Variants in FHIT observed in about 807,000 individuals in gnomAD.
FHIT encodes the protein bis(5'-adenosyl)-triphosphatase.
A neutral mutation model predicts 17.9 loss-of-function variants in FHIT; 19 were observed. That is an observed-to-expected ratio of 1.06 (90% CI 0.74 to 1.56). The LOEUF is 1.56. Among genes scored for constraint, FHIT ranks in the 40% most tolerant of loss-of-function variants. FHIT has a pLI of 0.00. For missense variants in FHIT, 248 were observed against 189.2 expected, an observed-to-expected ratio of 1.31 and a Z score of -1.82; for synonymous variants, 81 against 69.7, an observed-to-expected ratio of 1.16 and a Z score of -0.81.
intron 5 of FHIT, among the ~76,000 whole-genome samples, chr3:60,108,826 G>C (rs78312640): frequency 0.19 from 29,406 of 151,926 alleles, 2,919 homozygotes; most frequent in Middle Eastern, 0.32. Flanking sequence ...ACCAAGCCCA[G>C]CTAATTTTAC....
intron 7 of FHIT, among the ~76,000 whole-genome samples, chr3:59,990,443 A>C (rs1709175578): frequency 6.6e-6 from 1 of 152,174 alleles, no homozygotes; most frequent in African/African-American, 2.4e-5. Context: ...GAGAAAGTAT[A>C]TTGTTCTAAA....
At chr3:60,307,274 G>A (rs9813516) in intron 5 of FHIT, among the ~76,000 whole-genome samples, 65,837 of 151,692 alleles carry the variant, frequency 0.43, 15,374 homozygotes, top group East Asian at 0.82. Context: ...CAGTAAATTC[G>A]CCTGCCACAC....
At position 60,980,916 on chromosome 3, in the gene FHIT, C is replaced by A. The variant is rs1187613698; in HGVS notation, c.-111+61131G>T. ...TGAGGTCACATTAACACCTCACAGC[C>A]CCCCTATTTTAGCAATTCCCTGCGT... On this transcript the variant is annotated intron_variant, in intron 3 of 9. Transcript: ENST00000492590. Among the ~76,000 whole-genome samples the A allele has an allele frequency of 2.6e-5, 4 of 152,268 alleles. No individual in the cohort carries two copies. In the East Asian group the frequency reaches 5.8e-4, roughly 22 times the overall value.
At chr3:60,526,776 G>C (rs1576815072) in intron 5 of FHIT, among the ~76,000 whole-genome samples, 1 of 152,154 alleles carries the variant, frequency 6.6e-6, no homozygotes, top group African/African-American at 2.4e-5. Flanking sequence ...GACAGTACCT[G>C]TGTCAGCCTG....
chr3:60,185,836 A>G (rs577625902), intron 5 of FHIT, among the ~76,000 whole-genome samples: 18 of 152,244 alleles, frequency 1.2e-4, no homozygotes, highest in Admixed American at 9.8e-4. Context: ...TATTAATGGT[A>G]TTGTCACACA....
At chr3:60,452,508 T>A (rs984504642) in intron 5 of FHIT, among the ~76,000 whole-genome samples, 1 of 152,162 alleles carries the variant, frequency 6.6e-6, no homozygotes, top group Non-Finnish European at 1.5e-5. Flanking sequence ...ATGAGACCAA[T>A]AGAATGTGAC....
At chr3:60,642,003 G>T (rs1192877659) in intron 4 of FHIT, among the ~76,000 whole-genome samples, 3 of 152,024 alleles carry the variant, frequency 2.0e-5, no homozygotes, top group Non-Finnish European at 4.4e-5. Flanking sequence ...GGTAGGGGGT[G>T]GGGAGTGGGA....
intron 4 of FHIT, among the ~76,000 whole-genome samples, chr3:60,722,033 G>A (rs2041819491): frequency 6.6e-6 from 1 of 152,188 alleles, no homozygotes; most frequent in Non-Finnish European, 1.5e-5. Flanking sequence ...GAAAAGAGAA[G>A]GAAGGAAATG....
chr3:60,353,118 T>C (rs1397544450), intron 5 of FHIT, among the ~76,000 whole-genome samples: 1 of 152,166 alleles, frequency 6.6e-6, no homozygotes, highest in African/African-American at 2.4e-5. Context: ...AAGGTGATCT[T>C]AATATTATTT....
chr3:61,034,752 A>G (rs2033162197), intron 3 of FHIT, among the ~76,000 whole-genome samples: 1 of 152,212 alleles, frequency 6.6e-6, no homozygotes, highest in Non-Finnish European at 1.5e-5. Flanking sequence ...ATATGGAATT[A>G]CCATGTACCC....
chr3:59,960,641 T>C (rs1349230784), intron 7 of FHIT, among the ~76,000 whole-genome samples: 1 of 152,192 alleles, frequency 6.6e-6, no homozygotes, highest in Admixed American at 6.5e-5. Flanking sequence ...TGGAAAACAA[T>C]GTTCATGGAA....
intron 5 of FHIT, among the ~76,000 whole-genome samples, chr3:60,381,819 A>G (rs1576572257): frequency 3.1e-5 from 2 of 65,306 alleles, no homozygotes; most frequent in East Asian, 3.6e-3. Context: ...TGGCTCTGTA[A>G]CTCTGTAACT....
intron 5 of FHIT, among the ~76,000 whole-genome samples, chr3:60,274,269 T>C (rs900864147): frequency 4.6e-5 from 7 of 152,162 alleles, no homozygotes; most frequent in Non-Finnish European, 1.0e-4. Flanking sequence ...CTCACTAGAT[T>C]ATAAACTCCT....
At chr3:60,753,681 C>T (rs2108037154) in intron 4 of FHIT, among the ~76,000 whole-genome samples, 1 of 152,246 alleles carries the variant, frequency 6.6e-6, no homozygotes, top group South Asian at 2.1e-4. Flanking sequence ...AAAATAAACT[C>T]TGAAGTACCT....
rs1702027772 is a variant in FHIT at position 60,823,994 on chromosome 3, C to A, written c.-110-1983G>T. On this transcript the variant is annotated intron_variant, in intron 3 of 9. Coordinates refer to ENST00000492590, the MANE Select transcript of FHIT (RefSeq NM_002012.4). Reference sequence around the variant, plus strand: ...TAGCCAGGGGAGAGTGGCAGGAAACCAGGTCAGAGTGATGACAAGGAGCTG... The same window carrying A: ...TAGCCAGGGGAGAGTGGCAGGAAACAAGGTCAGAGTGATGACAAGGAGCTG... 3.9e-5 allele frequency among the ~76,000 whole-genome samples: 6 copies of A among 152,148 alleles called. No individual in the cohort carries two copies. In the South Asian group the frequency reaches 1.2e-3, roughly 31 times the overall value.
intron 7 of FHIT, among the ~76,000 whole-genome samples, chr3:59,930,704 T>C (rs921828817): frequency 1.3e-5 from 2 of 152,182 alleles, no homozygotes; most frequent in South Asian, 4.1e-4. Context: ...CTTTGAAAAC[T>C]ACTAGGATTA....
chr3:60,215,287 C>A (rs140717516), intron 5 of FHIT, among the ~76,000 whole-genome samples: 1 of 152,074 alleles, frequency 6.6e-6, no homozygotes, highest in East Asian at 1.9e-4. Context: ...GTCAGGACTT[C>A]GAGACCAGCC....
chr3:60,026,035 G>C (rs1283872212), intron 5 of FHIT, among the ~76,000 whole-genome samples: 1 of 152,032 alleles, frequency 6.6e-6, no homozygotes, highest in Non-Finnish European at 1.5e-5. Flanking sequence ...GGAAAGAAAA[G>C]TTCTTTCCAT....
In FHIT at chr3:60,905,046, G is replaced by A. The variant is rs116742434; in HGVS notation, c.-110-83035C>T. ...ATTGCCCTTAAACATATGAAAATAT[G>A]CTTAATTTTACTTATAATAAGAGAA... On this transcript the variant is annotated intron_variant, in intron 3 of 9. Transcript: ENST00000492590. Among the ~76,000 whole-genome samples the A allele has an allele frequency of 4.7e-3, 708 of 151,808 alleles. 6 individuals carry two copies. The highest frequency in any genetic ancestry group is 0.016 in the African/African-American group (660 of 41,410).
Sources: gnomAD v4.1 joint callset for allele counts (sites outside exome capture counted in the v4.1 genomes callset) on GRCh38, gnomAD v4.1.1 for gene constraint, MANE v1.5 for transcripts, NCBI Gene and HGNC (gene_info 2026-07-23, HGNC 2026-07-21) for gene names.